The following SFSWAP variants were observed in gnomAD, a reference collection of about 807,000 sequenced individuals.
The protein encoded by SFSWAP is splicing factor SWAP.
SFSWAP carries 17 observed loss-of-function variants against 100.7 expected under a neutral mutation model. The ratio of observed to expected loss-of-function variants is 0.17; its 90% CI spans 0.12 to 0.25. The LOEUF (loss-of-function observed/expected upper bound fraction) is 0.25. Ranked by LOEUF, SFSWAP falls within the 10% of genes least tolerant of loss-of-function variation. SFSWAP has a pLI of 1.00. For synonymous variants in SFSWAP, 504 were observed against 510.1 expected, an observed-to-expected ratio of 0.99 and a Z score of 0.16; for missense variants, 1,005 against 1,262.6, an observed-to-expected ratio of 0.80 and a Z score of 3.09.
intron 13 of SFSWAP, among the ~76,000 whole-genome samples, chr12:131,769,817 C>T (rs1429876038): frequency 6.6e-6 from 1 of 152,072 alleles, no homozygotes; most frequent in Admixed American, 6.5e-5. Flanking sequence ...TTAGTAGAGA[C>T]GGGGTTTCAC....
At chr12:131,743,428 A>G (rs1242666832) in intron 7 of SFSWAP, among the ~76,000 whole-genome samples, 2 of 152,252 alleles carry the variant, frequency 1.3e-5, no homozygotes, top group African/African-American at 4.8e-5. Context: ...GGGGCTGCAC[A>G]GGCCCTGTAC....
chr12:131,778,983 T>G lies in SFSWAP; in HGVS notation c.2408+653T>G, dbSNP rs1397156527. On this transcript the variant is annotated intron_variant, in intron 14 of 17. Transcript: ENST00000261674. The surrounding 1 kb of genome is among the most constrained non-coding windows in gnomAD (Gnocchi z 4.2). ...TTGTTTTATTTGTATAAGTGAAGTT[T>G]CCCATGCTAATTTGTCTCAAATGTG... 6.6e-6 allele frequency among the ~76,000 whole-genome samples: 1 copy of G among 151,732 alleles called. No homozygotes were observed. Among genetic ancestry groups the G allele is most frequent in the Non-Finnish European group, 1.5e-5 (1 of 67,898 alleles).
intron 7 of SFSWAP, among the ~76,000 whole-genome samples, chr12:131,744,870 G>A (rs1309818607): frequency 6.6e-6 from 1 of 152,202 alleles, no homozygotes; most frequent in Non-Finnish European, 1.5e-5. Flanking sequence ...GTCTTACATG[G>A]ATGGCAGCAG....
At chr12:131,728,203 A>C (rs1338710505) in intron 6 of SFSWAP, 90 bp from the exon 7 acceptor site, 63 of 1,465,156 alleles carry the variant, frequency 4.3e-5, no homozygotes, top group Non-Finnish European at 5.9e-5. Flanking sequence ...AGGCATGTAC[A>C]CTGAGTCCTA....
chr12:131,766,248 C>G lies in SFSWAP; in HGVS notation c.2082C>G (p.Leu694=), dbSNP rs746106115. The G allele has an allele frequency of 9.3e-6, 15 of 1,614,070 alleles. No individual in the cohort carries two copies. The highest frequency in any genetic ancestry group is 1.2e-5 in the Non-Finnish European group (14 of 1,180,048). The change falls in exon 13 of 18, where the codon CTC becomes CTG. Residue 694 remains leucine (L), a synonymous_variant. Coordinates refer to ENST00000261674, the MANE Select transcript of SFSWAP (RefSeq NM_004592.4). ...AAGCGGCGTTATTTTTACAGACCCTCAAAAATCCTCTGCCGGAAGCAGAAG... is the reference window on the plus strand; with the variant it reads ...AAGCGGCGTTATTTTTACAGACCCTGAAAAATCCTCTGCCGGAAGCAGAAG... ...KRKAALFLQT[L]KNPLPEAEAG... is the part of the protein sequence containing the mutation.
At chr12:131,772,310 A>C (rs1334740339) in intron 13 of SFSWAP, among the ~76,000 whole-genome samples, 2 of 152,238 alleles carry the variant, frequency 1.3e-5, no homozygotes, top group Non-Finnish European at 2.9e-5. Flanking sequence ...ATCGTTAGGA[A>C]AGGTGATTTT....
In SFSWAP at chr12:131,786,595, C is replaced by T; in HGVS notation, c.2534+7C>T. 6.3e-7 allele frequency: 1 copy of T among 1,588,324 alleles called. No homozygotes were observed. Among genetic ancestry groups the T allele is most frequent in the Admixed American group, 1.8e-5 (1 of 56,200 alleles). On this transcript the variant is annotated splice_region_variant and intron_variant, in intron 15 of 17. Transcript: ENST00000261674. ...GGAAGCGGACCCGCTCCAGGTAGGCCACTGGGTGTGCACGCAGGTGCTGGA... is the reference window on the plus strand; with the variant it reads ...GGAAGCGGACCCGCTCCAGGTAGGCTACTGGGTGTGCACGCAGGTGCTGGA...
intron 15 of SFSWAP, among the ~76,000 whole-genome samples, chr12:131,791,853 G>GGAT (rs1291188207): frequency 4.6e-5 from 7 of 152,276 alleles, no homozygotes; most frequent in African/African-American, 1.7e-4. Context: ...AGCCAGATAA[G>GGAT]GATTCTGTGT....
In SFSWAP at chr12:131,793,057, A is replaced by G. The variant is rs147221491; in HGVS notation, c.2535-4121A>G. Among the ~76,000 whole-genome samples the G allele has an allele frequency of 4.7e-4, 72 of 152,314 alleles. No homozygotes were observed. In the East Asian group the frequency reaches 0.013, roughly 26 times the overall value. On this transcript the variant is annotated intron_variant, in intron 15 of 17. Transcript: ENST00000261674. ...AGGGCAGGGGGCCGGGACCACAGCC[A>G]CAGCGATTCAGTGAGGAAAAAGAGA...
chr12:131,737,102 G>A (rs544139887), intron 7 of SFSWAP, among the ~76,000 whole-genome samples: 23 of 152,304 alleles, frequency 1.5e-4, no homozygotes, highest in African/African-American at 5.5e-4. Flanking sequence ...AGGACTAATG[G>A]AGTCCCTCTG....
chr12:131,797,049 G>A (rs1885728384), intron 15 of SFSWAP, 129 bp from the exon 16 acceptor site: 1 of 738,358 alleles, frequency 1.4e-6, no homozygotes, highest in African/African-American at 1.7e-5. Flanking sequence ...AATGGGTTTG[G>A]AGTGGTTCCG....
At chr12:131,790,540 C>T (rs2136275978) in intron 15 of SFSWAP, among the ~76,000 whole-genome samples, 2 of 152,298 alleles carry the variant, frequency 1.3e-5, no homozygotes, top group South Asian at 2.1e-4. Context: ...TGGCGGGCAC[C>T]TACAGCCGCA....
intron 15 of SFSWAP, 64 bp downstream of exon 15, chr12:131,786,652 G>T (rs1022336946): frequency 1.5e-5 from 23 of 1,513,516 alleles, no homozygotes; most frequent in Non-Finnish European, 1.9e-5. Context: ...TGGAAAGGGC[G>T]TCTGAAGGTC....
intron 7 of SFSWAP, among the ~76,000 whole-genome samples, chr12:131,751,625 T>G (rs966632927): frequency 6.6e-6 from 1 of 152,266 alleles, no homozygotes; most frequent in Non-Finnish European, 1.5e-5. Context: ...TGACGTTGTC[T>G]CTTACAGAAG....
At chr12:131,797,428 TC>T (rs1885764441) in intron 16 of SFSWAP, 68 bp downstream of exon 16, 1 of 1,373,284 alleles carries the variant, frequency 7.3e-7, no homozygotes, top group South Asian at 1.4e-5. Context: ...CTCTCCCTCC[TC>T]CCTGAGTCCT....
intron 14 of SFSWAP, chr12:131,783,795 TATATATA>T (rs1884680687): frequency 3.3e-5 from 1 of 30,514 alleles, no homozygotes; most frequent in Admixed American, 3.1e-4. Context: ...AAACATTTTA[TATATATA>T]TATATATATA....
At chr12:131,776,685 G>A (rs931147555) in intron 13 of SFSWAP, among the ~76,000 whole-genome samples, 1 of 152,256 alleles carries the variant, frequency 6.6e-6, no homozygotes, top group Non-Finnish European at 1.5e-5. Context: ...CTCTCCCCGG[G>A]GAGCAGCTGG....
In SFSWAP at chr12:131,784,998, T is replaced by C; in HGVS notation, c.2409-1465T>C. The stretch of plus-strand genomic sequence containing the variant: ...CGCTATAGCTTTGAATAAGCAGAGC[T>C]TTTTTCAGAGTTCTGGTAGCGCCCA... On this transcript the variant is annotated intron_variant, in intron 14 of 17. Coordinates refer to ENST00000261674, the MANE Select transcript of SFSWAP (RefSeq NM_004592.4). 3 of 1,249,840 alleles carry C rather than the reference T, an allele frequency of 2.4e-6. No homozygotes were observed. The Admixed American group carries it at 8.5e-5, about 36-fold the overall frequency. The allele number at this position is 1,249,840 out of a possible 1,614,324, so 77.4% of individuals were successfully genotyped here. A position where few individuals can be genotyped will look rare whatever the true frequency, so the allele number is the denominator to read the frequency against.
chr12:131,794,199 T>G lies in SFSWAP; in HGVS notation c.2535-2979T>G, dbSNP rs1158467606. Among the ~76,000 whole-genome samples, 1 of 152,204 alleles carries G rather than the reference T, an allele frequency of 6.6e-6. No individual in the cohort carries two copies. Among genetic ancestry groups the G allele is most frequent in the Non-Finnish European group, 1.5e-5 (1 of 68,046 alleles). On this transcript the variant is annotated intron_variant, in intron 15 of 17. Transcript: ENST00000261674. The surrounding 1 kb of genome is among the most constrained non-coding windows in gnomAD (Gnocchi z 4.8). ...AAAAGGAACAAATTGAGGATCACCC[T>G]GCGTCGTGGAGGAGTCTCAGACATG... is the stretch of plus-strand genomic sequence containing the variant.
Sources: gnomAD v4.1 joint callset for allele counts (sites outside exome capture counted in the v4.1 genomes callset) on GRCh38, gnomAD v4.1.1 for gene constraint, Gnocchi (gnomAD v3.1) non-coding constraint, MANE v1.5 for transcripts, NCBI Gene and HGNC (gene_info 2026-07-23, HGNC 2026-07-21) for gene names.